The following IQSEC1 variants were observed in gnomAD, a reference collection of about 807,000 sequenced individuals.
The protein encoded by IQSEC1 is IQ motif and SEC7 domain-containing protein 1.
IQSEC1 carries 31 observed loss-of-function variants against 91.0 expected under a neutral mutation model. The ratio of observed to expected loss-of-function variants is 0.34; its 90% CI spans 0.26 to 0.46. The LOEUF is 0.46. IQSEC1 is among the 20% of genes least tolerant of loss of function. The pLI, the probability that IQSEC1 is intolerant of heterozygous loss-of-function variation, is 1.00. For missense variants in IQSEC1, 1,388 were observed against 1,575.6 expected (o/e 0.88, Z 2.02); for synonymous variants, 699 against 662.6 (o/e 1.05, Z -0.84).
chr3:12,924,793 A>G lies in IQSEC1; in HGVS notation c.1569-51T>C. 1 of 1,484,210 alleles carries G rather than the reference A, an allele frequency of 6.7e-7. No individual in the cohort carries two copies. Among genetic ancestry groups the G allele is most frequent in the Non-Finnish European group, 9.1e-7 (1 of 1,103,174 alleles). 91.9% of individuals were successfully genotyped at this position (1,484,210 alleles called of 1,614,324 possible). On this transcript the variant is annotated intron_variant, in intron 3 of 13. Transcript: ENST00000613206. The surrounding 1 kb of genome is among the most constrained non-coding windows in gnomAD (Gnocchi z 6.3). ...AGTCCCAGCTGCCCGGCCACCAGCCAGGCACCTGGAGGGGATCTCCGCTCA... is the reference window on the plus strand; with the variant it reads ...AGTCCCAGCTGCCCGGCCACCAGCCGGGCACCTGGAGGGGATCTCCGCTCA...
intron 1 of IQSEC1, among the ~76,000 whole-genome samples, chr3:13,196,743 T>TGTGC (rs1694134082): frequency 8.8e-6 from 1 of 113,990 alleles, no homozygotes; most frequent in Admixed American, 9.9e-5. Context: ...TATGTACATG[T>TGTGC]GTGTGCGTGT....
intron 1 of IQSEC1, among the ~76,000 whole-genome samples, chr3:13,249,933 A>T (rs527680958): frequency 8.5e-5 from 13 of 152,368 alleles, no homozygotes; most frequent in Non-Finnish European, 1.5e-4. Flanking sequence ...GCTGGTGATT[A>T]GCCTCCCTGG....
intron 1 of IQSEC1, among the ~76,000 whole-genome samples, chr3:13,239,708 T>A (rs1399663480): frequency 6.6e-6 from 1 of 152,194 alleles, no homozygotes; most frequent in Non-Finnish European, 1.5e-5. Flanking sequence ...CAGGCAAAAC[T>A]GAGCCACTGG....
At chr3:12,952,405 C>T (rs976881440) in intron 1 of IQSEC1, among the ~76,000 whole-genome samples, 2 of 152,178 alleles carry the variant, frequency 1.3e-5, no homozygotes, top group Admixed American at 6.5e-5. Context: ...GTCAGCACAT[C>T]GGGCTGCTCC....
chr3:13,066,828 C>A (rs1199137965), intron 1 of IQSEC1, among the ~76,000 whole-genome samples: 1 of 152,238 alleles, frequency 6.6e-6, no homozygotes, highest in African/African-American at 2.4e-5. Context: ...CATTTACAGG[C>A]GTAGCCCACA....
At chr3:13,072,080 C>G (rs1012917662) in intron 1 of IQSEC1, among the ~76,000 whole-genome samples, 1 of 152,244 alleles carries the variant, frequency 6.6e-6, no homozygotes, top group African/African-American at 2.4e-5. Context: ...CTCCAGGCCT[C>G]CTTTTCCTAG....
rs186977882 is a variant in IQSEC1 at position 13,046,666 on chromosome 3, T to C, written c.23+26326A>G. ...CCCCAACTCCCCTCCTCCCTCTCCA[T>C]GGCCCGGCCACATCCACCCTCCACA... On this transcript the variant is annotated intron_variant, in intron 1 of 13. Coordinates refer to ENST00000613206, the MANE Select transcript of IQSEC1 (RefSeq NM_001134382.3). 7.5e-5 allele frequency among the ~76,000 whole-genome samples: 11 copies of C among 145,968 alleles called. No homozygotes were observed. In the East Asian group the frequency reaches 2.5e-3, roughly 34 times the overall value.
At chr3:13,070,111 C>A (rs1313802642) in intron 1 of IQSEC1, among the ~76,000 whole-genome samples, 2 of 152,234 alleles carry the variant, frequency 1.3e-5, no homozygotes, top group East Asian at 1.9e-4. Context: ...GGGTGGGGGC[C>A]CGCCGGCAGG....
intron 1 of IQSEC1, among the ~76,000 whole-genome samples, chr3:13,235,172 TG>T (rs1225370977): frequency 6.6e-6 from 1 of 152,016 alleles, no homozygotes; most frequent in Non-Finnish European, 1.5e-5. Context: ...CCATCCAAAG[TG>T]GGGTGGGGCT....
chr3:13,106,232 C>T (rs978505171), intron 2 of IQSEC1, among the ~76,000 whole-genome samples: 1 of 152,126 alleles, frequency 6.6e-6, no homozygotes, highest in African/African-American at 2.4e-5. Context: ...CTCCAGGAAG[C>T]CTCCCCGTTT....
intron 1 of IQSEC1, among the ~76,000 whole-genome samples, chr3:13,215,127 C>T (rs905844706): frequency 6.6e-6 from 1 of 152,092 alleles, no homozygotes; most frequent in Non-Finnish European, 1.5e-5. Flanking sequence ...TTACCACCAA[C>T]CCCTCCCCTG....
In IQSEC1 at chr3:13,203,625, G is replaced by A. The variant is rs574879946; in HGVS notation, c.273-39492C>T. On this transcript the variant is annotated intron_variant, in intron 1 of 15. Transcript: ENST00000648114. ...GAATCAGCAAACCCCACCAGCAGCC[G>A]AAACACTGCGCTTGCAGTACCCTTA... Among the ~76,000 whole-genome samples, 9 of 152,280 alleles carry A rather than the reference G, an allele frequency of 5.9e-5. No homozygotes were observed. In the East Asian group the frequency reaches 1.2e-3, roughly 20 times the overall value.
At chr3:12,952,678 G>C (rs1003215456) in intron 1 of IQSEC1, among the ~76,000 whole-genome samples, 1 of 152,114 alleles carries the variant, frequency 6.6e-6, no homozygotes, top group Non-Finnish European at 1.5e-5. Flanking sequence ...CAGCCCCCTG[G>C]CCTCCTGGCT....
At chr3:12,920,299 C>CCAGA in intron 6 of IQSEC1, 131 bp downstream of exon 6, 2 of 896,400 alleles carry the variant, frequency 2.2e-6, no homozygotes, top group Admixed American at 4.1e-5. Flanking sequence ...CCCCTCCATG[C>CCAGA]CAGACCCTGG....
At chr3:13,101,509 G>A (rs1381683591) in intron 2 of IQSEC1, among the ~76,000 whole-genome samples, 4 of 152,112 alleles carry the variant, frequency 2.6e-5, no homozygotes, top group East Asian at 1.9e-4. Context: ...CCGGGAAGAT[G>A]AGCGATGGTG....
chr3:13,267,414 T>C (rs1695510611), intron 1 of IQSEC1, among the ~76,000 whole-genome samples: 1 of 152,090 alleles, frequency 6.6e-6, no homozygotes, highest in Admixed American at 6.5e-5. Context: ...CATTTTACAA[T>C]AAAAACAATC....
At position 13,124,552 on chromosome 3, in the gene IQSEC1, G is replaced by A. The variant is rs571073638; in HGVS notation, c.302+39552C>T. On this transcript the variant is annotated intron_variant, in intron 2 of 15. Transcript: ENST00000648114. Reference sequence around the variant, plus strand: ...GAGTAGCTGTTCATCCGTGATGTGGGGATGTTAATGGCACTGCCCCCTTCC... The same window carrying A: ...GAGTAGCTGTTCATCCGTGATGTGGAGATGTTAATGGCACTGCCCCCTTCC... 6.6e-5 allele frequency among the ~76,000 whole-genome samples: 10 copies of A among 152,300 alleles called. No individual in the cohort carries two copies. The South Asian group carries it at 1.9e-3, about 28-fold the overall frequency.
chr3:13,215,684 C>T (rs986402188), intron 1 of IQSEC1, among the ~76,000 whole-genome samples: 8 of 152,160 alleles, frequency 5.3e-5, no homozygotes, highest in African/African-American at 1.7e-4. Context: ...CAGAGAAGGC[C>T]GACATGGCCA....
At chr3:13,167,810 C>G (rs1015270543) in intron 1 of IQSEC1, among the ~76,000 whole-genome samples, 1 of 152,256 alleles carries the variant, frequency 6.6e-6, no homozygotes, top group African/African-American at 2.4e-5. Context: ...TCCTTCCATG[C>G]TCACTGGACT....
Sources: gnomAD v4.1 joint callset for allele counts (sites outside exome capture counted in the v4.1 genomes callset) on GRCh38, gnomAD v4.1.1 for gene constraint, Gnocchi (gnomAD v3.1) non-coding constraint, MANE v1.5 for transcripts, NCBI Gene and HGNC (gene_info 2026-07-23, HGNC 2026-07-21) for gene names.